Variants in DHX30 observed in about 807,000 individuals in gnomAD.
DHX30 encodes the protein DExH-box helicase 30.
DHX30 carries 4 observed loss-of-function variants against 116.9 expected under a neutral mutation model. The ratio of observed to expected loss-of-function variants is 0.03; its 90% CI spans 0.02 to 0.08. The LOEUF is 0.08. Among genes scored for constraint, DHX30 ranks in the 10% least tolerant of loss-of-function variants. The probability of loss-of-function intolerance (pLI) is 1.00; values close to 1 mark genes in which losing one functional copy is unlikely to be tolerated. For missense variants in DHX30, 871 were observed against 1,595.1 expected (o/e 0.55, Z 7.73); for synonymous variants, 697 against 651.7 (o/e 1.07, Z -1.06).
Position 47,846,203 on chromosome 3 carries a change from G to A in DHX30, c.1131G>A (p.Arg377=). 6.2e-7 allele frequency: 1 copy of A among 1,613,942 alleles called. No homozygotes were observed. The highest frequency in any genetic ancestry group is 1.6e-4 in the Middle Eastern group (1 of 6,062). The change falls in exon 11 of 22, where the codon CGG becomes CGA. Residue 377 remains arginine, a synonymous_variant. Transcript: ENST00000445061. Reference sequence around the variant, plus strand: ...GTTCATGGATCGCCCCAGAACTCCGGCTGCAGAGTGATGACATCTTGCCCT... The same window carrying A: ...GTTCATGGATCGCCCCAGAACTCCGACTGCAGAGTGATGACATCTTGCCCT... The part of the protein sequence containing the change: ...VESSWIAPEL[R]LQSDDILPLG...
intron 5 of DHX30, 150 bp downstream of exon 5, chr3:47,827,627 T>G: frequency 8.9e-7 from 1 of 1,128,016 alleles, no homozygotes; most frequent in East Asian, 2.8e-5. Flanking sequence ...AAGCTAGGTT[T>G]GAAGAAGAGC....
chr3:47,809,095 C>G (rs2035666987), intron 2 of DHX30, among the ~76,000 whole-genome samples: 1 of 150,940 alleles, frequency 6.6e-6, no homozygotes, highest in African/African-American at 2.4e-5. Context: ...TCATGTTGGT[C>G]AGGGAGTATT....
intron 7 of DHX30, 56 bp downstream of exon 7, chr3:47,841,234 G>A: frequency 6.3e-7 from 1 of 1,590,434 alleles, no homozygotes; most frequent in East Asian, 2.2e-5. Context: ...ACACGGGGAT[G>A]GGCGAATGTT....
In DHX30 at chr3:47,847,559, C is replaced by T. The variant is rs199749849; in HGVS notation, c.2110+23C>T. 5.8e-6 allele frequency: 9 copies of T among 1,562,808 alleles called. No individual in the cohort carries two copies. In the Admixed American group the frequency reaches 1.3e-4, roughly 23 times the overall value. On this transcript the variant is annotated intron_variant, in intron 13 of 21. Transcript: ENST00000445061. The surrounding 1 kb of genome is among the most constrained non-coding windows in gnomAD (Gnocchi z 5.5). Reference sequence around the variant, plus strand: ...CAGGTGAGAGCCCCGGCGGAGGGACCAGGGACCTTTGGAAACCAGCCTGAC... The same window carrying T: ...CAGGTGAGAGCCCCGGCGGAGGGACTAGGGACCTTTGGAAACCAGCCTGAC...
intron 4 of DHX30, among the ~76,000 whole-genome samples, chr3:47,823,411 T>C (rs1413567648): frequency 1.3e-5 from 2 of 150,484 alleles, no homozygotes; most frequent in African/African-American, 2.4e-5. Context: ...GTTGCCAGGC[T>C]GGAGTGCAGT....
At chr3:47,840,276 T>G (rs1416708205) in intron 6 of DHX30, among the ~76,000 whole-genome samples, 2 of 151,008 alleles carry the variant, frequency 1.3e-5, no homozygotes, top group African/African-American at 4.9e-5. Context: ...GGATTACAGG[T>G]GTGAGCCACC....
At chr3:47,825,073 G>A (rs2036485880) in intron 4 of DHX30, 2 of 666,946 alleles carry the variant, frequency 3.0e-6, no homozygotes, top group Non-Finnish European at 5.4e-6. Context: ...GGCGCTGGCC[G>A]CCGGCATCTC....
intron 4 of DHX30, among the ~76,000 whole-genome samples, chr3:47,826,928 A>G (rs990669417): frequency 6.6e-5 from 10 of 152,006 alleles, no homozygotes; most frequent in African/African-American, 2.4e-5. Context: ...AGAGCCTTGC[A>G]TTGTCTTGAT....
chr3:47,837,594 C>G (rs1036369540), intron 6 of DHX30, among the ~76,000 whole-genome samples: 3 of 152,148 alleles, frequency 2.0e-5, no homozygotes, highest in East Asian at 1.9e-4. Context: ...AACCCCATCT[C>G]TACTAAAAAT....
chr3:47,815,851 G>C, intron 3 of DHX30: 1 of 856,112 alleles, frequency 1.2e-6, no homozygotes, highest in Non-Finnish European at 1.4e-6. Context: ...TCAGAAGTGG[G>C]CTCAGTGAAG....
intron 6 of DHX30, among the ~76,000 whole-genome samples, chr3:47,835,109 T>C (rs2037042887): frequency 1.3e-5 from 2 of 152,034 alleles, no homozygotes; most frequent in Admixed American, 1.3e-4. Context: ...GTTCAAGCAA[T>C]TCTCCTGCCT....
intron 6 of DHX30, among the ~76,000 whole-genome samples, chr3:47,829,365 T>A (rs1175510045): frequency 7.2e-6 from 1 of 138,996 alleles, no homozygotes; most frequent in Non-Finnish European, 1.5e-5. Flanking sequence ...TTCCTTTGAG[T>A]CAGAGTTTCA....
At chr3:47,842,441 C>G (rs2037421430) in intron 8 of DHX30, 1 of 152,390 alleles carries the variant, frequency 6.6e-6, no homozygotes, top group Non-Finnish European at 1.5e-5. Flanking sequence ...AATCTTGCAC[C>G]TGGTACTGTT....
chr3:47,830,481 A>T (rs751456036), intron 6 of DHX30, among the ~76,000 whole-genome samples: 10 of 151,952 alleles, frequency 6.6e-5, no homozygotes, highest in Non-Finnish European at 1.0e-4. Flanking sequence ...TTTCATTTTT[A>T]GTAGAGACGA....
In DHX30 at chr3:47,848,684, C is replaced by A. The variant is rs1220017500; in HGVS notation, c.2636C>A (p.Thr879Asn). 6.2e-7 allele frequency: 1 copy of A among 1,614,004 alleles called. No individual in the cohort carries two copies. Among genetic ancestry groups the A allele is most frequent in the African/African-American group, 1.3e-5 (1 of 74,896 alleles). ...GGGCAGCGCCTGGCTCACATCTCCA[C>A]CGACCCCCGGTTGGCCAAGGCCATT... ...TLGQRLAHIS[T>N]DPRLAKAIVL... is the part of the protein sequence containing the mutation. The change falls in exon 17 of 22, where the codon ACC (threonine) becomes AAC (asparagine). Residue 879 changes from threonine (T) to asparagine (N), a missense_variant. Coordinates refer to ENST00000445061, the MANE Select transcript of DHX30 (RefSeq NM_138615.3). This position sits in a 1 kb window ranked among gnomAD's most constrained non-coding sequence, Gnocchi z 9.4.
intron 3 of DHX30, chr3:47,816,303 T>C (rs1559690894): frequency 1.0e-6 from 1 of 984,186 alleles, no homozygotes; most frequent in Non-Finnish European, 1.2e-6. Context: ...TTGGACTACC[T>C]AGACAGGCAG....
chr3:47,828,015 C>A (rs938155082), intron 5 of DHX30, among the ~76,000 whole-genome samples: 1 of 151,934 alleles, frequency 6.6e-6, no homozygotes, highest in African/African-American at 2.4e-5. Context: ...GGTGCCACCA[C>A]ACTCGTCTAA....
chr3:47,819,643 G>A (rs565854670), intron 4 of DHX30, among the ~76,000 whole-genome samples: 36 of 152,332 alleles, frequency 2.4e-4, no homozygotes, highest in African/African-American at 8.4e-4. Flanking sequence ...TTAAGGAGAT[G>A]TGTTGCAGCA....
At chr3:47,825,146 CTT>C in intron 4 of DHX30, 1 of 673,940 alleles carries the variant, frequency 1.5e-6, no homozygotes, top group Non-Finnish European at 2.7e-6. Flanking sequence ...CGCGGCTTCT[CTT>C]CAAGCTGCGC....
Sources: allele counts gnomAD v4.1 joint callset (sites outside exome capture counted in the v4.1 genomes callset), GRCh38; gene constraint gnomAD v4.1.1; non-coding constraint Gnocchi (gnomAD v3.1); transcripts MANE v1.5; gene names NCBI Gene and HGNC (gene_info 2026-07-23, HGNC 2026-07-21).